Variants in TRPM3 observed in about 807,000 individuals in gnomAD.
TRPM3 encodes the protein transient receptor potential cation channel subfamily M member 3, also known as long transient receptor potential channel 3.
Under a neutral mutation model 181.2 loss-of-function variants are expected in TRPM3, and 77 were observed. The observed-to-expected ratio is 0.42, with a 90% CI of 0.35 to 0.51. The LOEUF (loss-of-function observed/expected upper bound fraction) is 0.51, where lower values mean the gene tolerates loss of function less well. Among genes scored for constraint, TRPM3 ranks in the 20% least tolerant of loss-of-function variants. TRPM3 has a pLI of 0.01. For missense variants in TRPM3, 1,759 were observed against 2,196.7 expected (o/e 0.80, Z 3.98); for synonymous variants, 745 against 796.4 (o/e 0.94, Z 1.09).
intron 22 of TRPM3, among the ~76,000 whole-genome samples, chr9:70,589,197 T>G (rs2057684807): frequency 6.6e-6 from 1 of 151,820 alleles, no homozygotes; most frequent in East Asian, 1.9e-4. Flanking sequence ...CTCCAGGGGG[T>G]TTTCAAGTTC....
intron 7 of TRPM3, among the ~76,000 whole-genome samples, chr9:70,765,703 T>C (rs1028298457): frequency 2.6e-5 from 4 of 152,218 alleles, no homozygotes; most frequent in Admixed American, 6.5e-5. Context: ...TTACTCTATC[T>C]TCTCTGAAGA....
chr9:71,111,983 T>C (rs2071209547), intron 1 of TRPM3, among the ~76,000 whole-genome samples: 1 of 152,214 alleles, frequency 6.6e-6, no homozygotes, highest in Non-Finnish European at 1.5e-5. Context: ...TTGACCTTGA[T>C]CCATGATACA....
intron 1 of TRPM3, among the ~76,000 whole-genome samples, chr9:71,174,916 G>C (rs1565305242): frequency 6.6e-6 from 1 of 152,134 alleles, no homozygotes; most frequent in Non-Finnish European, 1.5e-5. Flanking sequence ...CAGATAGTGA[G>C]AGCTAATCTT....
chr9:70,949,422 G>T (rs867360560), intron 1 of TRPM3, among the ~76,000 whole-genome samples: 1 of 152,102 alleles, frequency 6.6e-6, no homozygotes, highest in Non-Finnish European at 1.5e-5. Context: ...AGACAACATG[G>T]AGACCCACAA....
chr9:70,566,451 C>G (rs2050610350), intron 22 of TRPM3, among the ~76,000 whole-genome samples: 1 of 152,098 alleles, frequency 6.6e-6, no homozygotes. Flanking sequence ...GCAGGGAAAG[C>G]AGCATGTGGA....
chr9:71,288,209 A>G (rs899132032), intron 1 of TRPM3, among the ~76,000 whole-genome samples: 1 of 151,648 alleles, frequency 6.6e-6, no homozygotes, highest in African/African-American at 2.4e-5. Flanking sequence ...ATTTAATATC[A>G]TAATTATGAT....
chr9:71,270,685 T>C (rs770653951), intron 1 of TRPM3, among the ~76,000 whole-genome samples: 2 of 152,206 alleles, frequency 1.3e-5, no homozygotes, highest in African/African-American at 2.4e-5. Context: ...ACTCCTGGTA[T>C]ACATGCCCTG....
rs1159466864 is a variant in TRPM3, at chr9:70,536,097, G to A, written c.5016C>T (p.Leu1672=). Residue 1672 remains leucine (L), a synonymous_variant, in exon 26 of 26, where the codon CTC becomes CTT. Coordinates refer to ENST00000677713, the MANE Select transcript of TRPM3 (RefSeq NM_001366145.2). The part of the protein sequence containing the change: ...TRKSFSISDK[L]DRQRNTASLR... ...GGCTTGCTGTGTTCCGCTGCCTGTC[G>A]AGTTTGTCACTGATGGAGAAGCTCT... is the stretch of plus-strand genomic sequence containing the variant. 4.3e-6 allele frequency: 7 copies of A among 1,614,078 alleles called. No homozygotes were observed. Among genetic ancestry groups the A allele is most frequent in the Admixed American group, 3.3e-5 (2 of 60,004 alleles).
At chr9:70,673,136 A>G (rs774235060) in intron 9 of TRPM3, among the ~76,000 whole-genome samples, 5 of 152,108 alleles carry the variant, frequency 3.3e-5, no homozygotes, top group Non-Finnish European at 7.4e-5. Flanking sequence ...TTTGGTTTCA[A>G]TTTCCTAGTC....
chr9:71,260,692 G>T (rs1042524755), intron 1 of TRPM3, among the ~76,000 whole-genome samples: 11 of 152,210 alleles, frequency 7.2e-5, no homozygotes, highest in Admixed American at 4.6e-4. Context: ...GTCTATTATT[G>T]GTGTATAGGA....
intron 1 of TRPM3, among the ~76,000 whole-genome samples, chr9:71,074,495 A>T (rs1050011708): frequency 1.3e-5 from 2 of 152,194 alleles, no homozygotes; most frequent in African/African-American, 4.8e-5. Flanking sequence ...CCCAGTGTCC[A>T]CATCCTGCTC....
At chr9:71,441,466 A>T (rs907867517) in intron 1 of TRPM3, among the ~76,000 whole-genome samples, 1 of 152,202 alleles carries the variant, frequency 6.6e-6, no homozygotes, top group African/African-American at 2.4e-5. Context: ...GTTTAATGAC[A>T]TTGCAGTAGC....
chr9:71,158,708 G>A (rs1288044865), intron 1 of TRPM3, among the ~76,000 whole-genome samples: 1 of 152,154 alleles, frequency 6.6e-6, no homozygotes, highest in Non-Finnish European at 1.5e-5. Context: ...GGGGTGCCCA[G>A]ATAGCTGTTC....
intron 1 of TRPM3, among the ~76,000 whole-genome samples, chr9:70,934,948 T>C (rs1375481022): frequency 6.6e-6 from 1 of 152,154 alleles, no homozygotes; most frequent in African/African-American, 2.4e-5. Flanking sequence ...AGGTGAGATA[T>C]TTGCAATCTA....
At chr9:70,839,007 C>T (rs948164278) in intron 5 of TRPM3, among the ~76,000 whole-genome samples, 1 of 152,152 alleles carries the variant, frequency 6.6e-6, no homozygotes, top group African/African-American at 2.4e-5. Context: ...CAACAGGCCG[C>T]TCCCTCACCT....
intron 1 of TRPM3, among the ~76,000 whole-genome samples, chr9:70,911,295 G>C (rs1022922317): frequency 6.6e-6 from 1 of 151,958 alleles, no homozygotes; most frequent in Non-Finnish European, 1.5e-5. Context: ...ATTCTTCCTT[G>C]GTCTACATTA....
intron 5 of TRPM3, among the ~76,000 whole-genome samples, chr9:70,829,780 C>G (rs373163200): frequency 1.3e-5 from 2 of 152,088 alleles, no homozygotes; most frequent in Non-Finnish European, 2.9e-5. Flanking sequence ...AAGAGTCCCC[C>G]GAAACACAGA....
intron 1 of TRPM3, among the ~76,000 whole-genome samples, chr9:71,364,724 C>G (rs1014943157): frequency 6.6e-6 from 1 of 152,130 alleles, no homozygotes; most frequent in Non-Finnish European, 1.5e-5. Flanking sequence ...AGTAGTATGT[C>G]TCATTAAGTA....
intron 1 of TRPM3, among the ~76,000 whole-genome samples, chr9:70,923,857 C>CAT (rs60597888): frequency 8.9e-4 from 131 of 146,570 alleles, no homozygotes; most frequent in Admixed American, 1.5e-3. Context: ...CACACACACA[C>CAT]ATATATATAT....
Sources: gnomAD v4.1 joint callset for allele counts (sites outside exome capture counted in the v4.1 genomes callset) on GRCh38, gnomAD v4.1.1 for gene constraint, MANE v1.5 for transcripts, NCBI Gene and HGNC (gene_info 2026-07-23, HGNC 2026-07-21) for gene names.